The following CSNK2B variants were observed in gnomAD, a reference collection of about 807,000 sequenced individuals.
The protein encoded by CSNK2B is casein kinase II subunit beta.
A neutral mutation model predicts 28.8 loss-of-function variants in CSNK2B; 2 were observed. That is an observed-to-expected ratio of 0.07 (90% CI 0.03 to 0.22). The LOEUF (loss-of-function observed/expected upper bound fraction) is 0.22. CSNK2B is among the 10% of genes least tolerant of loss of function. The pLI is 1.00. For missense variants in CSNK2B, 107 were observed against 277.9 expected (o/e 0.39, Z 4.37); for synonymous variants, 89 against 96.1 (o/e 0.93, Z 0.43).
At chr6:31,666,234 G>C in intron 1 of CSNK2B, 26 bp downstream of exon 1, 1 of 977,442 alleles carries the variant, frequency 1.0e-6, no homozygotes, top group Non-Finnish European at 1.2e-6. Context: ...TCGCTGCTCC[G>C]AGTCCCTTGT....
In CSNK2B at chr6:31,669,534, G is replaced by T. The variant is rs746641534; in HGVS notation, c.557+26G>T. On this transcript the variant is annotated intron_variant, in intron 6 of 6. Transcript: ENST00000375882. The surrounding 1 kb of genome is among the most constrained non-coding windows in gnomAD (Gnocchi z 4.8). ...GTAGGGAGCAGGGAGAGTCATTAAG[G>T]GTCAAAGGAAAGGCCCAAGATCCCC... 6.3e-7 allele frequency: 1 copy of T among 1,596,944 alleles called. No individual in the cohort carries two copies. The highest frequency in any genetic ancestry group is 8.5e-7 in the Non-Finnish European group (1 of 1,176,352).
rs777997021 is a variant in CSNK2B, at chr6:31,669,063, T to C, written c.292-34T>C. 8.3e-6 allele frequency: 13 copies of C among 1,572,818 alleles called. No homozygotes were observed. The Admixed American group carries it at 1.0e-4, about 12-fold the overall frequency. On this transcript the variant is annotated intron_variant, in intron 4 of 6. Coordinates refer to ENST00000375882, the MANE Select transcript of CSNK2B (RefSeq NM_001320.7). The surrounding 1 kb of genome is among the most constrained non-coding windows in gnomAD (Gnocchi z 4.8). ...AAGGGAGTTGCCTCTTCTTTACATC[T>C]ACCTGCCAACCCCTTCCATTGTATT...
chr6:31,667,155 T>C (rs1232696026), intron 2 of CSNK2B: 1 of 657,184 alleles, frequency 1.5e-6, no homozygotes, highest in South Asian at 1.5e-5. Flanking sequence ...TTTTTGAGAC[T>C]GGGTCTCACT....
intron 4 of CSNK2B, 149 bp from the exon 5 acceptor site, chr6:31,668,948 C>T: frequency 3.1e-6 from 2 of 639,684 alleles, no homozygotes; most frequent in Non-Finnish European, 5.5e-6. Flanking sequence ...AAAGGCAACA[C>T]AGAAGTTTGA....
rs527376842 is a variant in CSNK2B, at chr6:31,669,040, G to C, written c.292-57G>C. 6.3e-4 allele frequency: 860 copies of C among 1,374,554 alleles called. 11 individuals carry two copies. The South Asian group carries it at 9.0e-3, about 14-fold the overall frequency. 85.1% of individuals were successfully genotyped at this position (1,374,554 alleles called of 1,614,324 possible). On this transcript the variant is annotated intron_variant, in intron 4 of 6. Transcript: ENST00000375882. This position sits in a 1 kb window ranked among gnomAD's most constrained non-coding sequence, Gnocchi z 4.8. Reference sequence around the variant, plus strand: ...AGAGTGGTATGGGTTGGGCTGCGAAGGGAGTTGCCTCTTCTTTACATCTAC... The same window carrying C: ...AGAGTGGTATGGGTTGGGCTGCGAACGGAGTTGCCTCTTCTTTACATCTAC...
intron 3 of CSNK2B, chr6:31,668,329 C>T: frequency 1.7e-6 from 1 of 602,642 alleles, no homozygotes; most frequent in South Asian, 2.0e-5. Context: ...GGAGCAGAGG[C>T]TGAAAAGGTG....
chr6:31,669,971 T>G lies in CSNK2B; in HGVS notation c.*45T>G, dbSNP rs1190220515. ...TGCAGTCTTTGACTTTTCCTTTCTT[T>G]TTTGCCACCCTTTCAGGAACCCTGT... On this transcript the variant is annotated 3_prime_UTR_variant, in exon 7 of 7. Coordinates refer to ENST00000375882, the MANE Select transcript of CSNK2B (RefSeq NM_001320.7). The surrounding 1 kb of genome is among the most constrained non-coding windows in gnomAD (Gnocchi z 4.8). 1 of 1,526,722 alleles carries G rather than the reference T, an allele frequency of 6.5e-7. No individual in the cohort carries two copies. The highest frequency in any genetic ancestry group is 9.0e-7 in the Non-Finnish European group (1 of 1,116,026). 94.6% of individuals were successfully genotyped at this position (1,526,722 alleles called of 1,614,324 possible). A position where few individuals can be genotyped will look rare whatever the true frequency, so the allele number is the denominator to read the frequency against.
Position 31,669,044 on chromosome 6 carries a change from G to T in CSNK2B, c.292-53G>T, listed in dbSNP as rs548844893. 17 of 1,428,600 alleles carry T rather than the reference G, an allele frequency of 1.2e-5. No homozygotes were observed. Among genetic ancestry groups the T allele is most frequent in the Admixed American group, 1.0e-4 (6 of 59,678 alleles). The allele number at this position is 1,428,600 out of a possible 1,614,324, so 88.5% of individuals were successfully genotyped here. On this transcript the variant is annotated intron_variant, in intron 4 of 6. Coordinates refer to ENST00000375882, the MANE Select transcript of CSNK2B (RefSeq NM_001320.7). The surrounding 1 kb of genome is among the most constrained non-coding windows in gnomAD (Gnocchi z 4.8). ...TGGTATGGGTTGGGCTGCGAAGGGAGTTGCCTCTTCTTTACATCTACCTGC... is the reference window on the plus strand; with the variant it reads ...TGGTATGGGTTGGGCTGCGAAGGGATTTGCCTCTTCTTTACATCTACCTGC...
intron 2 of CSNK2B, 115 bp downstream of exon 2, chr6:31,667,018 C>T: frequency 1.1e-6 from 1 of 916,312 alleles, no homozygotes; most frequent in Non-Finnish European, 1.8e-6. Flanking sequence ...AACTTCCTAT[C>T]AGCAAAGAGT....
At chr6:31,667,050 A>G (rs1216836735) in intron 2 of CSNK2B, 147 bp downstream of exon 2, 1 of 765,604 alleles carries the variant, frequency 1.3e-6, no homozygotes, top group East Asian at 2.7e-5. Context: ...ACCCCGACGA[A>G]CCTGTGCTAA....
chr6:31,669,074 C>T lies in CSNK2B; in HGVS notation c.292-23C>T. 6.3e-7 allele frequency: 1 copy of T among 1,599,484 alleles called. No individual in the cohort carries two copies. The highest frequency in any genetic ancestry group is 1.3e-5 in the African/African-American group (1 of 74,762). ...CTCTTCTTTACATCTACCTGCCAAC[C>T]CCTTCCATTGTATTCACCTCAGTTG... is the stretch of plus-strand genomic sequence containing the variant. On this transcript the variant is annotated intron_variant, in intron 4 of 6. Coordinates refer to ENST00000375882, the MANE Select transcript of CSNK2B (RefSeq NM_001320.7). The surrounding 1 kb of genome is among the most constrained non-coding windows in gnomAD (Gnocchi z 4.8).
At chr6:31,667,839 G>A in intron 2 of CSNK2B, 29 bp from the exon 3 acceptor site, 1 of 1,342,778 alleles carries the variant, frequency 7.4e-7, no homozygotes, top group Non-Finnish European at 1.0e-6. Context: ...TTTGATATGG[G>A]TTCCCTCTTG....
At chr6:31,668,338 TGTG>T in intron 3 of CSNK2B, 198 bp from the exon 4 acceptor site, 1 of 603,968 alleles carries the variant, frequency 1.7e-6, no homozygotes, top group East Asian at 2.8e-5. Flanking sequence ...GCTGAAAAGG[TGTG>T]AAGGGAAGGC....
chr6:31,667,235 G>A (rs1042583651), intron 2 of CSNK2B: 35 of 495,620 alleles, frequency 7.1e-5, no homozygotes, highest in East Asian at 1.0e-4. Flanking sequence ...AGGTTCAAGC[G>A]ATTCTCCTGC....
chr6:31,668,990 G>A, intron 4 of CSNK2B, 107 bp from the exon 5 acceptor site: 2 of 812,368 alleles, frequency 2.5e-6, no homozygotes, highest in Non-Finnish European at 4.2e-6. Flanking sequence ...GGGGCCTCTG[G>A]ACAGAGGTGG....
intron 4 of CSNK2B, 61 bp downstream of exon 4, chr6:31,668,715 G>C: frequency 6.8e-7 from 1 of 1,462,962 alleles, no homozygotes; most frequent in South Asian, 1.1e-5. Context: ...GGTTCCTGCA[G>C]CAAGAAGTCA....
At position 31,669,955 on chromosome 6, in the gene CSNK2B, T is replaced by C. The variant is rs1802066338; in HGVS notation, c.*29T>C. Reference sequence around the variant, plus strand: ...CCTCCCCCACCTGTCCTGCAGTCTTTGACTTTTCCTTTCTTTTTTGCCACC... The same window carrying C: ...CCTCCCCCACCTGTCCTGCAGTCTTCGACTTTTCCTTTCTTTTTTGCCACC... On this transcript the variant is annotated 3_prime_UTR_variant, in exon 7 of 7. Transcript: ENST00000375882. This position sits in a 1 kb window ranked among gnomAD's most constrained non-coding sequence, Gnocchi z 4.8. 1 of 1,588,608 alleles carries C rather than the reference T, an allele frequency of 6.3e-7. No individual in the cohort carries two copies. The highest frequency in any genetic ancestry group is 1.8e-5 in the Admixed American group (1 of 56,550).
chr6:31,666,158 T>C lies in CSNK2B; in HGVS notation c.-62T>C. ...CGCTGTAGCGGTCGCCGCCGTTCCCTGGAAGTAGCAACTTCCCTACCCCAC... is the reference window on the plus strand; with the variant it reads ...CGCTGTAGCGGTCGCCGCCGTTCCCCGGAAGTAGCAACTTCCCTACCCCAC... On this transcript the variant is annotated 5_prime_UTR_variant, in exon 1 of 7. Coordinates refer to ENST00000375882, the MANE Select transcript of CSNK2B (RefSeq NM_001320.7). 1 of 990,940 alleles carries C rather than the reference T, an allele frequency of 1.0e-6. No individual in the cohort carries two copies. The highest frequency in any genetic ancestry group is 1.2e-6 in the Non-Finnish European group (1 of 832,624). The allele number at this position is 990,940 out of a possible 1,614,324, so 61.4% of individuals were successfully genotyped here.
intron 3 of CSNK2B, 23 bp downstream of exon 3, chr6:31,667,993 T>TTG: frequency 6.8e-7 from 1 of 1,480,552 alleles, no homozygotes; most frequent in South Asian, 1.1e-5. Context: ...CAGGGTTGTT[T>TTG]TGTGTGTGTG....
Sources: gnomAD v4.1 joint callset for allele counts on GRCh38, gnomAD v4.1.1 for gene constraint, Gnocchi (gnomAD v3.1) non-coding constraint, MANE v1.5 for transcripts, NCBI Gene and HGNC (gene_info 2026-07-23, HGNC 2026-07-21) for gene names.